The following MRPL3 variants were observed in gnomAD, a reference collection of about 807,000 sequenced individuals.
MRPL3 encodes large ribosomal subunit protein uL3m.
A neutral mutation model predicts 44.3 loss-of-function variants in MRPL3; 43 were observed. The observed-to-expected ratio is 0.97, with a 90% CI of 0.76 to 1.25. The LOEUF is 1.25. MRPL3 is among the 50% of genes most tolerant of loss of function. The pLI is 0.00. For synonymous variants in MRPL3, 171 were observed against 152.3 expected (o/e 1.12, Z -0.91); for missense variants, 406 against 427.6 (o/e 0.95, Z 0.45).
chr3:131,478,415 C>T (rs1375297481), intron 6 of MRPL3, among the ~76,000 whole-genome samples: 1 of 152,068 alleles, frequency 6.6e-6, no homozygotes, highest in Non-Finnish European at 1.5e-5. Context: ...AATTTGTACT[C>T]TGCTTTAAAA....
At chr3:131,478,068 T>C (rs566394241) in intron 6 of MRPL3, among the ~76,000 whole-genome samples, 1 of 152,364 alleles carries the variant, frequency 6.6e-6, no homozygotes, top group African/African-American at 2.4e-5. Flanking sequence ...AATTTACATA[T>C]TGCCTATCTC....
At chr3:131,463,967 T>C (rs1933546489) in intron 9 of MRPL3, among the ~76,000 whole-genome samples, 2 of 152,118 alleles carry the variant, frequency 1.3e-5, no homozygotes, top group South Asian at 4.1e-4. Flanking sequence ...AGGAACAGCT[T>C]AGTACAGAAA....
chr3:131,471,326 C>A (rs1266302013), intron 6 of MRPL3, 47 bp from the exon 7 acceptor site: 1 of 1,305,866 alleles, frequency 7.7e-7, no homozygotes, highest in Non-Finnish European at 1.1e-6. Flanking sequence ...AGAGCATAGA[C>A]CATTCCCAAT....
chr3:131,501,832 G>A (rs1035095950), intron 1 of MRPL3, 117 bp from the exon 2 acceptor site: 10 of 1,582,288 alleles, frequency 6.3e-6, no homozygotes, highest in Non-Finnish European at 8.6e-6. Context: ...AAAGGGCTTG[G>A]ATTCTGTATA....
intron 3 of MRPL3, 91 bp downstream of exon 3, chr3:131,500,339 T>C (rs1259680205): frequency 9.9e-7 from 1 of 1,005,372 alleles, no homozygotes; most frequent in Non-Finnish European, 1.6e-6. Flanking sequence ...TACAGTTCCA[T>C]GTTTCAGGAC....
At position 131,464,311 on chromosome 3, in the gene MRPL3, G is replaced by C. The variant is rs567971430; in HGVS notation, c.895-1436C>G. ...ACTATTATACCTGAGAAATATTTTA[G>C]ACGACGGAATCACTGTTTGTAAAAT... On this transcript the variant is annotated intron_variant, in intron 9 of 9. Coordinates refer to ENST00000264995, the MANE Select transcript of MRPL3 (RefSeq NM_007208.4). Among the ~76,000 whole-genome samples the C allele has an allele frequency of 1.4e-3, 210 of 152,214 alleles. 1 individual carries two copies. Among genetic ancestry groups the C allele is most frequent in the Non-Finnish European group, 2.2e-3 (150 of 67,992 alleles).
chr3:131,499,985 G>C (rs1582722240), intron 3 of MRPL3, among the ~76,000 whole-genome samples: 1 of 152,076 alleles, frequency 6.6e-6, no homozygotes, highest in African/African-American at 2.4e-5. Flanking sequence ...TCTGGTCTCA[G>C]GACACACATT....
intron 4 of MRPL3, among the ~76,000 whole-genome samples, chr3:131,492,548 C>A (rs1032908424): frequency 1.3e-5 from 2 of 152,134 alleles, no homozygotes; most frequent in Admixed American, 1.3e-4. Context: ...GTTTGCGCTC[C>A]TATAAGAATC....
intron 4 of MRPL3, among the ~76,000 whole-genome samples, chr3:131,494,271 T>C (rs1934320042): frequency 6.6e-6 from 1 of 152,222 alleles, no homozygotes. Context: ...ATTATTTTAT[T>C]TCCTACACGC....
At chr3:131,476,662 T>C (rs916279869) in intron 6 of MRPL3, among the ~76,000 whole-genome samples, 1 of 152,186 alleles carries the variant, frequency 6.6e-6, no homozygotes, top group Non-Finnish European at 1.5e-5. Context: ...AAAGATGTAT[T>C]TTATTTAGAG....
At chr3:131,494,586 CAATA>C (rs1182876484) in intron 4 of MRPL3, among the ~76,000 whole-genome samples, 1 of 152,084 alleles carries the variant, frequency 6.6e-6, no homozygotes. Flanking sequence ...ACAAAACAGA[CAATA>C]TATATAAACA....
chr3:131,483,031 T>C (rs1284197257), intron 6 of MRPL3, among the ~76,000 whole-genome samples: 2 of 150,384 alleles, frequency 1.3e-5, no homozygotes, highest in Non-Finnish European at 3.0e-5. Context: ...CCACCAGAAT[T>C]CAACAGAAAA....
At chr3:131,493,651 TCTG>T (rs895375739) in intron 4 of MRPL3, among the ~76,000 whole-genome samples, 1 of 152,202 alleles carries the variant, frequency 6.6e-6, no homozygotes, top group African/African-American at 2.4e-5. Flanking sequence ...TTTCTACTCT[TCTG>T]CTCCATCAGT....
At chr3:131,492,205 CTTTTA>C (rs1934272673) in intron 4 of MRPL3, among the ~76,000 whole-genome samples, 1 of 152,110 alleles carries the variant, frequency 6.6e-6, no homozygotes, top group Non-Finnish European at 1.5e-5. Flanking sequence ...CCTCAGCCTA[CTTTTA>C]TTTTATTAAA....
chr3:131,483,142 C>G (rs1187891352), intron 6 of MRPL3, among the ~76,000 whole-genome samples: 1 of 152,036 alleles, frequency 6.6e-6, no homozygotes, highest in Non-Finnish European at 1.5e-5. Context: ...AAAATCGAGA[C>G]TGAAAGAATG....
intron 6 of MRPL3, among the ~76,000 whole-genome samples, chr3:131,485,507 A>G (rs1027373956): frequency 3.9e-5 from 6 of 152,220 alleles, no homozygotes; most frequent in Non-Finnish European, 5.9e-5. Flanking sequence ...TACAACACAC[A>G]TATTTCCCCA....
At chr3:131,473,662 T>G (rs1039664878) in intron 6 of MRPL3, among the ~76,000 whole-genome samples, 2 of 151,464 alleles carry the variant, frequency 1.3e-5, no homozygotes, top group African/African-American at 4.9e-5. Flanking sequence ...AAATATATAC[T>G]AAAAGAACTG....
In MRPL3 at chr3:131,501,513, C is replaced by G; in HGVS notation, c.277+18G>C. The stretch of plus-strand genomic sequence containing the variant: ...CAGTAATTAGGAAATGAGAGCTCAT[C>G]AAATACAAAATAATCACCTGGTTCC... On this transcript the variant is annotated intron_variant, in intron 2 of 9. Coordinates refer to ENST00000264995, the MANE Select transcript of MRPL3 (RefSeq NM_007208.4). 3 of 1,599,576 alleles carry G rather than the reference C, an allele frequency of 1.9e-6. No individual in the cohort carries two copies. The highest frequency in any genetic ancestry group is 2.6e-6 in the Non-Finnish European group (3 of 1,170,608).
intron 7 of MRPL3, 64 bp downstream of exon 7, chr3:131,471,107 T>A: frequency 5.3e-6 from 6 of 1,126,050 alleles, no homozygotes; most frequent in Non-Finnish European, 8.1e-6. Context: ...AAGGACGGAC[T>A]GAGGACTACA....
Sources: allele counts gnomAD v4.1 joint callset (sites outside exome capture counted in the v4.1 genomes callset), GRCh38; gene constraint gnomAD v4.1.1; transcripts MANE v1.5; gene names NCBI Gene and HGNC (gene_info 2026-07-23, HGNC 2026-07-21).